Variants in CREBRF observed in about 807,000 individuals in gnomAD.
CREBRF encodes UPF0474 protein C5orf41.
CREBRF carries 5 observed loss-of-function variants against 66.1 expected under a neutral mutation model. That is an observed-to-expected ratio of 0.08 (90% CI 0.04 to 0.16). CREBRF has a LOEUF of 0.16. Among genes scored for constraint, CREBRF ranks in the 10% least tolerant of loss-of-function variants. The pLI is 1.00. For missense variants in CREBRF, 531 were observed against 744.9 expected (o/e 0.71, Z 3.34); for synonymous variants, 229 against 264.4 (o/e 0.87, Z 1.30).
In CREBRF at chr5:173,073,980, A is replaced by AAAATAAAT. The variant is rs56812993; in HGVS notation, c.-191-6583_-191-6576dup. ...GACTCCGTCTAAAAAATAAAAAATAAAAATAAATAAATAAATAAATAAATA... is the reference window on the plus strand; with the variant it reads ...GACTCCGTCTAAAAAATAAAAAATAAAAATAAATAAATAAATAAATAAATAAATAAATA... On this transcript the variant is annotated intron_variant, in intron 1 of 8. Coordinates refer to ENST00000296953, the MANE Select transcript of CREBRF (RefSeq NM_153607.3). Among the ~76,000 whole-genome samples the AAAATAAAT allele has an allele frequency of 6.4e-3, 958 of 150,050 alleles. 7 individuals are homozygous for AAAATAAAT. The highest frequency in any genetic ancestry group is 0.019 in the African/African-American group (763 of 40,822).
chr5:173,092,986 T>C (rs1191803104), intron 4 of CREBRF, among the ~76,000 whole-genome samples: 1 of 152,218 alleles, frequency 6.6e-6, no homozygotes, highest in Admixed American at 6.5e-5. Flanking sequence ...CTTTGAGATA[T>C]TTCAAGGAGA....
chr5:173,118,154 G>A (rs1185933734), intron 7 of CREBRF, among the ~76,000 whole-genome samples: 5 of 151,542 alleles, frequency 3.3e-5, no homozygotes, highest in Non-Finnish European at 5.9e-5. Context: ...GATTACAGGC[G>A]TGAGCCACGG....
chr5:173,104,781 T>C (rs546797761), intron 4 of CREBRF, among the ~76,000 whole-genome samples: 20 of 151,726 alleles, frequency 1.3e-4, no homozygotes, highest in Non-Finnish European at 2.7e-4. Context: ...GAATTTATGG[T>C]GTATGCTATT....
At chr5:173,126,893 A>G (rs6897234) in intron 8 of CREBRF, among the ~76,000 whole-genome samples, 5,737 of 152,234 alleles carry the variant, frequency 0.038, 141 homozygotes, top group South Asian at 0.092. Context: ...GAAGATTAAA[A>G]ATCTATGTGG....
intron 8 of CREBRF, 164 bp downstream of exon 8, chr5:173,123,366 A>G (rs979264140): frequency 3.4e-6 from 2 of 584,936 alleles, no homozygotes; most frequent in African/African-American, 4.0e-5. Flanking sequence ...TAGTGTTCAT[A>G]AACATGTGTT....
intron 7 of CREBRF, among the ~76,000 whole-genome samples, chr5:173,121,556 C>T (rs1442117016): frequency 1.3e-5 from 2 of 151,832 alleles, no homozygotes; most frequent in African/African-American, 4.8e-5. Flanking sequence ...TCTCCTGACC[C>T]CGTGATCCGC....
rs2113770889 is a variant in CREBRF, at chr5:173,108,972, G to A, written c.1417+154G>A. 4.7e-6 allele frequency: 3 copies of A among 634,222 alleles called. No individual in the cohort carries two copies. The South Asian group carries it at 6.3e-5, about 13-fold the overall frequency. 39.3% of individuals were successfully genotyped at this position (634,222 alleles called of 1,614,324 possible). A position where few individuals can be genotyped will look rare whatever the true frequency, so the allele number is the denominator to read the frequency against. ...TGCTACATTTGTGTGACTACTCTTC[G>A]TCACTCACAAATAGCTTTTACCAGT... On this transcript the variant is annotated intron_variant, in intron 5 of 8. Coordinates refer to ENST00000296953, the MANE Select transcript of CREBRF (RefSeq NM_153607.3).
rs1759535196 is a variant in CREBRF, at chr5:173,134,188, T to A, written c.*443T>A. The A allele has an allele frequency of 6.6e-6, 1 of 151,920 alleles. No individual in the cohort carries two copies. Among genetic ancestry groups the A allele is most frequent in the Non-Finnish European group, 1.5e-5 (1 of 68,478 alleles). 9.4% of individuals were successfully genotyped at this position (151,920 alleles called of 1,614,324 possible). ...ATTTTCCACAACCATTAATCTCACT[T>A]GTATATGGCACACCCAGCACTTGTG... On this transcript the variant is annotated 3_prime_UTR_variant, in exon 9 of 9. Transcript: ENST00000296953.
intron 4 of CREBRF, among the ~76,000 whole-genome samples, chr5:173,107,857 C>A (rs948548280): frequency 1.5e-5 from 2 of 135,146 alleles, no homozygotes; most frequent in East Asian, 4.4e-4. Flanking sequence ...ACAGAGTGAG[C>A]GTCTCATTCT....
At chr5:173,100,078 T>TTGTGTATG (rs1758579818) in intron 4 of CREBRF, among the ~76,000 whole-genome samples, 1 of 69,134 alleles carries the variant, frequency 1.4e-5, no homozygotes, top group Non-Finnish European at 2.7e-5. Context: ...GGCTAATCTT[T>TTGTGTATG]TGTGTGTGTG....
At position 173,088,016 on chromosome 5, in the gene CREBRF, G is replaced by T. The variant is rs530885988; in HGVS notation, c.135+1390G>T. On this transcript the variant is annotated intron_variant, in intron 3 of 8. Transcript: ENST00000296953. ...TTTTTTGTATTTTTAGTAGAGATGG[G>T]GTTTCACCATATTGGTCAGGCTGGT... Among the ~76,000 whole-genome samples the T allele has an allele frequency of 3.5e-4, 53 of 151,538 alleles. No homozygotes were observed. The East Asian group carries it at 9.5e-3, about 27-fold the overall frequency.
chr5:173,064,165 A>G (rs1437025143), intron 1 of CREBRF, among the ~76,000 whole-genome samples: 1 of 152,166 alleles, frequency 6.6e-6, no homozygotes, highest in East Asian at 1.9e-4. Flanking sequence ...CTTTTATAAA[A>G]GCAGTTTCTT....
intron 1 of CREBRF, among the ~76,000 whole-genome samples, chr5:173,058,810 T>A (rs1237362166): frequency 1.2e-4 from 15 of 125,284 alleles, no homozygotes. Flanking sequence ...TTTTTTTTTT[T>A]TTTAAGACGG....
chr5:173,090,551 T>A lies in CREBRF; in HGVS notation c.372T>A (p.Ser124=), dbSNP rs752886692. Residue 124 remains serine (S), a synonymous_variant, in exon 4 of 9, where the codon TCT becomes TCA. Transcript: ENST00000296953. This position sits in a 1 kb window ranked among gnomAD's most constrained non-coding sequence, Gnocchi z 4.5. Reference sequence around the variant, plus strand: ...ATTACTTGGGTCTTGATGACTTTTCTAGTCCTTACCAAGATGAAGAGGTTA... The same window carrying A: ...ATTACTTGGGTCTTGATGACTTTTCAAGTCCTTACCAAGATGAAGAGGTTA... ...EVDYLGLDDF[S]SPYQDEEVIS... The A allele has an allele frequency of 6.2e-7, 1 of 1,614,192 alleles. No homozygotes were observed. Among genetic ancestry groups the A allele is most frequent in the East Asian group, 2.2e-5 (1 of 44,888 alleles).
chr5:173,057,892 C>T (rs1221378966), intron 1 of CREBRF, among the ~76,000 whole-genome samples: 3 of 151,664 alleles, frequency 2.0e-5, no homozygotes, highest in Non-Finnish European at 4.4e-5. Flanking sequence ...TAATTTGCCC[C>T]TCTTGCTAAC....
At chr5:173,113,069 T>TGCA (rs1449783390) in intron 7 of CREBRF, among the ~76,000 whole-genome samples, 1 of 152,232 alleles carries the variant, frequency 6.6e-6, no homozygotes, top group Non-Finnish European at 1.5e-5. Context: ...CACAGCTCAC[T>TGCA]GCAGCCTCCA....
intron 6 of CREBRF, 149 bp downstream of exon 6, chr5:173,110,860 A>G (rs1581034824): frequency 1.6e-6 from 1 of 628,874 alleles, no homozygotes; most frequent in East Asian, 3.0e-5. Context: ...TTTTGAAAGT[A>G]GAAGACGGTA....
chr5:173,100,788 A>G (rs1758612744), intron 4 of CREBRF, among the ~76,000 whole-genome samples: 2 of 152,172 alleles, frequency 1.3e-5, no homozygotes, highest in Non-Finnish European at 2.9e-5. Context: ...AACTCCCATT[A>G]ACATTTCTTG....
chr5:173,093,764 G>A (rs888378714), intron 4 of CREBRF, among the ~76,000 whole-genome samples: 5 of 152,110 alleles, frequency 3.3e-5, no homozygotes, highest in Non-Finnish European at 7.3e-5. Flanking sequence ...CCACCTGCCC[G>A]CCTCAGCCTT....
Sources: allele counts gnomAD v4.1 joint callset (sites outside exome capture counted in the v4.1 genomes callset), GRCh38; gene constraint gnomAD v4.1.1; non-coding constraint Gnocchi (gnomAD v3.1); transcripts MANE v1.5; gene names NCBI Gene and HGNC (gene_info 2026-07-23, HGNC 2026-07-21).